RPS6KC1: variants seen among roughly 807,000 people sequenced by gnomAD.
RPS6KC1 encodes the protein inactive ribosomal protein S6 kinase delta-1.
A neutral mutation model predicts 103.8 loss-of-function variants in RPS6KC1; 54 were observed. The observed-to-expected ratio is 0.52, with a 90% CI of 0.42 to 0.65. The LOEUF is 0.65. RPS6KC1 is among the 30% of genes least tolerant of loss of function. The pLI, the probability that RPS6KC1 is intolerant of heterozygous loss-of-function variation, is 0.00. For missense variants in RPS6KC1, 1,151 were observed against 1,253.8 expected (o/e 0.92, Z 1.24); for synonymous variants, 439 against 438.7 (o/e 1.00, Z -0.01).
At chr1:213,661,015 C>A in the RPS6KC1 span, among the ~76,000 whole-genome samples, 2 of 152,102 alleles carry the variant, frequency 1.3e-5, no homozygotes, top group East Asian at 3.9e-4. Context: ...ACAGCCTTCC[C>A]GAGTTGTCTA....
chr1:213,352,031 A>T, the RPS6KC1 span, among the ~76,000 whole-genome samples: 7 of 151,222 alleles, frequency 4.6e-5, no homozygotes, highest in Non-Finnish European at 1.0e-4. Context: ...ACGAGCTGGG[A>T]GATAGAGTTT....
At position 213,204,983 on chromosome 1, in the gene RPS6KC1, T is replaced by C. The variant is rs115976868; in HGVS notation, c.1045-25514T>C. Among the ~76,000 whole-genome samples the C allele has an allele frequency of 4.4e-3, 668 of 152,228 alleles. 4 individuals are homozygous for C. The highest frequency in any genetic ancestry group is 0.015 in the African/African-American group (641 of 41,536). On this transcript the variant is annotated intron_variant, in intron 8 of 14. Transcript: ENST00000366960. ...TGGTTGTTTTAAAAGTACCCTAGCATTTAGCACATGAATACATCTCATTTT... is the reference window on the plus strand; with the variant it reads ...TGGTTGTTTTAAAAGTACCCTAGCACTTAGCACATGAATACATCTCATTTT...
chr1:213,601,988 CTT>C, the RPS6KC1 span, among the ~76,000 whole-genome samples: 3,111 of 16,132 alleles, frequency 0.19, 961 homozygotes, highest in Middle Eastern at 0.45. Context: ...TCCTCTCTCT[CTT>C]TCTTTCTTTT....
intron 4 of RPS6KC1, among the ~76,000 whole-genome samples, chr1:213,108,919 G>C (rs1047437927): frequency 4.0e-5 from 6 of 151,604 alleles, no homozygotes; most frequent in Non-Finnish European, 8.8e-5. Flanking sequence ...CAAAGTGCTG[G>C]GAATACAGGT....
the RPS6KC1 span, among the ~76,000 whole-genome samples, chr1:213,310,104 C>T: frequency 1.8e-4 from 27 of 152,334 alleles, no homozygotes; most frequent in Middle Eastern, 3.4e-3. Flanking sequence ...AGCCCATCCT[C>T]GGGTGTCCTG....
the RPS6KC1 span, among the ~76,000 whole-genome samples, chr1:213,743,561 A>AGAAAGCCT: frequency 3.8e-4 from 58 of 152,362 alleles, no homozygotes; most frequent in Admixed American, 3.6e-3. Context: ...GAGATTGCTG[A>AGAAAGCCT]GAAAGCCTGA....
At chr1:213,408,544 C>T in the RPS6KC1 span, among the ~76,000 whole-genome samples, 8 of 152,260 alleles carry the variant, frequency 5.3e-5, no homozygotes, top group Non-Finnish European at 1.0e-4. Context: ...GACTTTAAGC[C>T]GAAACTGAGG....
chr1:213,611,694 C>G, the RPS6KC1 span, among the ~76,000 whole-genome samples: 1 of 152,174 alleles, frequency 6.6e-6, no homozygotes, highest in Admixed American at 6.5e-5. Flanking sequence ...CTTGAAGCTC[C>G]TTGGCGGAGT....
the RPS6KC1 span, among the ~76,000 whole-genome samples, chr1:213,800,199 A>G: frequency 6.6e-6 from 1 of 152,216 alleles, no homozygotes; most frequent in Non-Finnish European, 1.5e-5. Flanking sequence ...CCATCACAAC[A>G]GGACTACCAA....
chr1:213,399,499 G>A, the RPS6KC1 span, among the ~76,000 whole-genome samples: 6 of 152,114 alleles, frequency 3.9e-5, no homozygotes, highest in Non-Finnish European at 7.3e-5. Context: ...TTTACTTAAG[G>A]AGGTGAATGT....
chr1:213,393,777 T>C, the RPS6KC1 span, among the ~76,000 whole-genome samples: 2 of 151,892 alleles, frequency 1.3e-5, no homozygotes, highest in African/African-American at 2.4e-5. Context: ...GGGCAGACAA[T>C]GGTTTCAGGA....
At chr1:213,195,667 G>A (rs1290332367) in intron 8 of RPS6KC1, among the ~76,000 whole-genome samples, 2 of 151,962 alleles carry the variant, frequency 1.3e-5, no homozygotes, top group African/African-American at 4.8e-5. Context: ...ATACTGTTGC[G>A]TCTTCATAAC....
At chr1:213,558,236 A>C in the RPS6KC1 span, among the ~76,000 whole-genome samples, 2 of 152,154 alleles carry the variant, frequency 1.3e-5, no homozygotes, top group Non-Finnish European at 2.9e-5. Context: ...GATGTTTTTT[A>C]ATTAAAGAAA....
the RPS6KC1 span, among the ~76,000 whole-genome samples, chr1:213,361,703 A>G: frequency 6.6e-6 from 1 of 152,186 alleles, no homozygotes; most frequent in Admixed American, 6.5e-5. Flanking sequence ...GGTCATTCTT[A>G]TTGCTCACTC....
the RPS6KC1 span, among the ~76,000 whole-genome samples, chr1:213,527,805 A>G: frequency 6.6e-6 from 1 of 152,222 alleles, no homozygotes; most frequent in Non-Finnish European, 1.5e-5. Context: ...CTTAATTAGT[A>G]ATAGCCTACT....
chr1:213,466,103 A>G, the RPS6KC1 span, among the ~76,000 whole-genome samples: 1 of 152,024 alleles, frequency 6.6e-6, no homozygotes, highest in Admixed American at 6.6e-5. Context: ...GTCCCCCACA[A>G]CCTCCACCTA....
chr1:213,382,556 C>A, the RPS6KC1 span, among the ~76,000 whole-genome samples: 1 of 132,132 alleles, frequency 7.6e-6, no homozygotes, highest in East Asian at 2.2e-4. Flanking sequence ...TTTTTTGAAG[C>A]GGTTGTAGGG....
chr1:213,306,685 T>C, the RPS6KC1 span, among the ~76,000 whole-genome samples: 1 of 152,218 alleles, frequency 6.6e-6, no homozygotes, highest in Non-Finnish European at 1.5e-5. Flanking sequence ...CTTGATTGGT[T>C]GTAGACTGCT....
chr1:213,570,240 G>A, the RPS6KC1 span, among the ~76,000 whole-genome samples: 1 of 152,128 alleles, frequency 6.6e-6, no homozygotes, highest in African/African-American at 2.4e-5. Context: ...TTACCAAAAG[G>A]GATACTCATA....
Sources: gnomAD v4.1 joint callset for allele counts (sites outside exome capture counted in the v4.1 genomes callset) on GRCh38, gnomAD v4.1.1 for gene constraint, MANE v1.5 for transcripts, NCBI Gene and HGNC (gene_info 2026-07-23, HGNC 2026-07-21) for gene names.